The following CSMD2 variants were observed in gnomAD, a reference collection of about 807,000 sequenced individuals.
The protein encoded by CSMD2 is CUB and sushi domain-containing protein 2.
Under a neutral mutation model 398.5 loss-of-function variants are expected in CSMD2, and 130 were observed. The observed-to-expected ratio is 0.33, with a 90% CI of 0.28 to 0.38. The LOEUF (loss-of-function observed/expected upper bound fraction) is 0.38. Ranked by LOEUF, CSMD2 falls within the 10% of genes least tolerant of loss-of-function variation. The pLI is 1.00. For missense variants in CSMD2, 3,829 were observed against 4,764.9 expected (o/e 0.80, Z 5.78); for synonymous variants, 1,828 against 1,908.5 (o/e 0.96, Z 1.10).
intron 15 of CSMD2, among the ~76,000 whole-genome samples, chr1:33,735,712 T>C (rs1289241511): frequency 6.6e-6 from 1 of 152,192 alleles, no homozygotes. Context: ...GTCTCTCTTG[T>C]CCTATTATAG....
At chr1:33,900,341 T>C (rs903748752) in intron 5 of CSMD2, among the ~76,000 whole-genome samples, 2 of 152,160 alleles carry the variant, frequency 1.3e-5, no homozygotes, top group Admixed American at 1.3e-4. Context: ...GAAAATGAAT[T>C]AGATCCCAGA....
At chr1:33,985,204 T>C (rs901258487) in intron 3 of CSMD2, among the ~76,000 whole-genome samples, 3 of 152,202 alleles carry the variant, frequency 2.0e-5, no homozygotes, top group Admixed American at 6.5e-5. Flanking sequence ...CCTTTCACTA[T>C]GGAGACTCAA....
At chr1:33,926,166 A>G (rs960892656) in intron 4 of CSMD2, among the ~76,000 whole-genome samples, 14 of 152,238 alleles carry the variant, frequency 9.2e-5, no homozygotes, top group Non-Finnish European at 1.9e-4. Flanking sequence ...AGCACCTAGC[A>G]GATTTCCTGG....
chr1:33,866,256 G>A (rs1281006167), intron 5 of CSMD2, among the ~76,000 whole-genome samples: 1 of 152,214 alleles, frequency 6.6e-6, no homozygotes, highest in Non-Finnish European at 1.5e-5. Flanking sequence ...TGGGTACAGG[G>A]AGGCACATTA....
At chr1:33,544,339 G>A (rs1318489492) in intron 57 of CSMD2, among the ~76,000 whole-genome samples, 3 of 148,770 alleles carry the variant, frequency 2.0e-5, no homozygotes, top group East Asian at 2.0e-4. Context: ...GGATGGTCTC[G>A]ACCTCCTGAC....
At chr1:33,665,683 C>T (rs1482859320) in intron 25 of CSMD2, among the ~76,000 whole-genome samples, 1 of 151,888 alleles carries the variant, frequency 6.6e-6, no homozygotes, top group African/African-American at 2.4e-5. Flanking sequence ...CTGCCTCAGC[C>T]TCCAAAATTC....
intron 5 of CSMD2, among the ~76,000 whole-genome samples, chr1:33,848,979 A>G (rs535145575): frequency 2.1e-4 from 32 of 152,318 alleles, no homozygotes; most frequent in African/African-American, 7.2e-4. Flanking sequence ...TCTCAAGAGC[A>G]GGATGAGATT....
rs765891155 is a variant in CSMD2, at chr1:33,541,199, A to T, written c.9388T>A (p.Ser3130Thr). The T allele has an allele frequency of 1.9e-6, 3 of 1,613,732 alleles. No homozygotes were observed. The highest frequency in any genetic ancestry group is 1.7e-6 in the Non-Finnish European group (2 of 1,179,934). The change falls in exon 59 of 71, where the codon TCA (serine) becomes ACA (threonine). Residue 3130 changes from serine (S) to threonine (T), a missense_variant. Ser to Thr is a moderately conservative substitution (Grantham distance 58). Coordinates refer to ENST00000373381, the MANE Select transcript of CSMD2 (RefSeq NM_001281956.2). ...CAGCTCAGCACAGATACTCTATGTGACTCCATCATATAGCCAGGGACACAC... is the reference window on the plus strand; with the variant it reads ...CAGCTCAGCACAGATACTCTATGTGTCTCCATCATATAGCCAGGGACACAC... The part of the protein sequence containing the change: ...YQCVPGYMME[S>T]HRVSVLSCTK...
intron 3 of CSMD2, among the ~76,000 whole-genome samples, chr1:33,974,453 C>T (rs143090734): frequency 1.2e-4 from 18 of 152,328 alleles, no homozygotes; most frequent in African/African-American, 1.4e-4. Context: ...CTGTCTGTCC[C>T]CAAGGAGCAA....
At chr1:33,653,395 G>A (rs1426809264) in intron 27 of CSMD2, among the ~76,000 whole-genome samples, 2 of 152,174 alleles carry the variant, frequency 1.3e-5, no homozygotes, top group African/African-American at 4.8e-5. Context: ...GCTCACATTC[G>A]CCTGCCAAGC....
intron 22 of CSMD2, among the ~76,000 whole-genome samples, chr1:33,702,907 G>GAAGA (rs1645656830): frequency 6.6e-6 from 1 of 152,104 alleles, no homozygotes; most frequent in Non-Finnish European, 1.5e-5. Context: ...CTCCCTGATA[G>GAAGA]ATTAGTCATT....
intron 3 of CSMD2, among the ~76,000 whole-genome samples, chr1:34,018,176 T>TC (rs1231953068): frequency 2.6e-5 from 4 of 152,240 alleles, no homozygotes; most frequent in Non-Finnish European, 4.4e-5. Flanking sequence ...TCTGGTTTTT[T>TC]CACAGAAAAT....
chr1:33,888,255 A>G (rs1000851607), intron 5 of CSMD2, among the ~76,000 whole-genome samples: 15 of 152,214 alleles, frequency 9.9e-5, no homozygotes, highest in Admixed American at 2.0e-4. Context: ...GGGAAATCTG[A>G]AAAATTTACT....
In CSMD2 at chr1:33,664,830, G is replaced by T. The variant is rs139881927; in HGVS notation, c.4053-1738C>A. Among the ~76,000 whole-genome samples, 860 of 151,792 alleles carry T rather than the reference G, an allele frequency of 5.7e-3. 3 individuals carry two copies. Among genetic ancestry groups the T allele is most frequent in the Middle Eastern group, 0.01 (3 of 294 alleles). On this transcript the variant is annotated intron_variant, in intron 25 of 70. Coordinates refer to ENST00000373381, the MANE Select transcript of CSMD2 (RefSeq NM_001281956.2). ...AAATAAATAAATAAATAAATAAAAAGAAAATAAAATAAATAAAAATTTTAA... is the reference window on the plus strand; with the variant it reads ...AAATAAATAAATAAATAAATAAAAATAAAATAAAATAAATAAAAATTTTAA...
At chr1:33,789,303 G>A (rs1653940908) in intron 11 of CSMD2, among the ~76,000 whole-genome samples, 1 of 152,224 alleles carries the variant, frequency 6.6e-6, no homozygotes. Flanking sequence ...GGGCGGGGAG[G>A]GGGGGATTCA....
chr1:34,097,538 T>A (rs1241891165), intron 1 of CSMD2, among the ~76,000 whole-genome samples: 30 of 127,674 alleles, frequency 2.3e-4, no homozygotes, highest in Non-Finnish European at 2.5e-4. Context: ...ATATCCAGAA[T>A]CTACAATGAA....
chr1:33,579,662 C>T (rs748815604), intron 48 of CSMD2, among the ~76,000 whole-genome samples: 5 of 151,666 alleles, frequency 3.3e-5, no homozygotes, highest in Non-Finnish European at 7.4e-5. Context: ...TTCCTTCCAA[C>T]CAAGATTCTT....
chr1:33,615,780 T>A (rs1641345175), intron 39 of CSMD2, among the ~76,000 whole-genome samples: 1 of 152,216 alleles, frequency 6.6e-6, no homozygotes, highest in South Asian at 2.1e-4. Flanking sequence ...ATTTCTGACC[T>A]GCTCCACAGA....
At chr1:34,077,142 C>T (rs1327112544) in intron 2 of CSMD2, among the ~76,000 whole-genome samples, 1 of 151,088 alleles carries the variant, frequency 6.6e-6, no homozygotes, top group Admixed American at 6.6e-5. Context: ...AGAAAGAAGA[C>T]CAGAGTGTTG....
Sources: allele counts gnomAD v4.1 joint callset (sites outside exome capture counted in the v4.1 genomes callset), GRCh38; gene constraint gnomAD v4.1.1; transcripts MANE v1.5; gene names NCBI Gene and HGNC (gene_info 2026-07-23, HGNC 2026-07-21).